ARID1B: variants seen among roughly 807,000 people sequenced by gnomAD.
The protein encoded by ARID1B is AT-rich interactive domain-containing protein 1B.
ARID1B carries 30 observed loss-of-function variants against 212.3 expected under a neutral mutation model. That is an observed-to-expected ratio of 0.14 (90% CI 0.11 to 0.19). ARID1B has a LOEUF of 0.19. Ranked by LOEUF, ARID1B falls within the 10% of genes least tolerant of loss-of-function variation. The pLI is 1.00. For synonymous variants in ARID1B, 1,402 were observed against 1,301.7 expected, an observed-to-expected ratio of 1.08 and a Z score of -1.66; for missense variants, 2,891 against 3,204.0, an observed-to-expected ratio of 0.90 and a Z score of 2.36.
intron 6 of ARID1B, among the ~76,000 whole-genome samples, chr6:157,121,089 G>T (rs183853346): frequency 6.6e-6 from 1 of 152,260 alleles, no homozygotes; most frequent in African/African-American, 2.4e-5. Flanking sequence ...AAGAATACAC[G>T]ATTGGAGGCT....
intron 4 of ARID1B, among the ~76,000 whole-genome samples, chr6:157,066,931 G>A (rs1783710865): frequency 6.6e-6 from 1 of 151,934 alleles, no homozygotes; most frequent in African/African-American, 2.4e-5. Context: ...TAGAGGAGTG[G>A]ACTTTAGAAC....
chr6:156,912,662 A>C (rs897540796), intron 3 of ARID1B, among the ~76,000 whole-genome samples: 5 of 152,188 alleles, frequency 3.3e-5, no homozygotes, highest in African/African-American at 1.2e-4. Flanking sequence ...CAACACAAGC[A>C]ATCAGGAGAA....
Position 156,966,241 on chromosome 6 carries a change from G to A in ARID1B, c.2247+30665G>A, listed in dbSNP as rs551494938. On this transcript the variant is annotated intron_variant, in intron 4 of 19. Transcript: ENST00000636930. ...GCAGATAATACTTCAATGGTATATC[G>A]CAGTCCTCATATATAAGATTTAAGA... 1.2e-3 allele frequency among the ~76,000 whole-genome samples: 181 copies of A among 151,998 alleles called. 5 individuals are homozygous for A. In the South Asian group the frequency reaches 0.035, roughly 29 times the overall value.
intron 4 of ARID1B, among the ~76,000 whole-genome samples, chr6:156,993,587 C>G (rs1329955070): frequency 3.3e-5 from 5 of 152,124 alleles, no homozygotes; most frequent in Non-Finnish European, 5.9e-5. Flanking sequence ...TTTAGATTCT[C>G]TGAAATACTG....
chr6:157,185,644 A>G (rs192161195), intron 13 of ARID1B: 2 of 152,334 alleles, frequency 1.3e-5, no homozygotes, highest in Non-Finnish European at 2.9e-5. Context: ...CCCACCAGAC[A>G]CCTCTGGCTG....
chr6:157,079,533 A>T (rs1243840285), intron 4 of ARID1B, among the ~76,000 whole-genome samples: 2 of 152,244 alleles, frequency 1.3e-5, no homozygotes, highest in Non-Finnish European at 2.9e-5. Context: ...GTAATTTTAC[A>T]GTGTGTTTCT....
intron 6 of ARID1B, among the ~76,000 whole-genome samples, chr6:157,129,663 C>T (rs1788395979): frequency 1.3e-5 from 2 of 152,164 alleles, no homozygotes; most frequent in South Asian, 4.1e-4. Context: ...TTAATTCTAC[C>T]TCCTTTTGGA....
At position 157,032,303 on chromosome 6, in the gene ARID1B, A is replaced by C. The variant is rs111494349; in HGVS notation, c.2248-52359A>C. On this transcript the variant is annotated intron_variant, in intron 4 of 19. Coordinates refer to ENST00000636930, the MANE Select transcript of ARID1B (RefSeq NM_001374828.1). ...AAAACCTGAATTTTTCATGATTATT[A>C]ATGCTCTATCATGTGAATATACCAT... is the stretch of plus-strand genomic sequence containing the variant. Among the ~76,000 whole-genome samples the C allele has an allele frequency of 5.5e-3, 845 of 152,302 alleles. 14 individuals carry two copies. Among genetic ancestry groups the C allele is most frequent in the African/African-American group, 0.02 (816 of 41,554 alleles).
chr6:157,049,601 GT>G (rs1242637095), intron 4 of ARID1B, among the ~76,000 whole-genome samples: 4 of 152,090 alleles, frequency 2.6e-5, no homozygotes, highest in Non-Finnish European at 5.9e-5. Context: ...CACAAATTAA[GT>G]TTTCCTTTCA....
chr6:157,047,055 G>A (rs1392237355), intron 4 of ARID1B, among the ~76,000 whole-genome samples: 4 of 152,018 alleles, frequency 2.6e-5, no homozygotes, highest in African/African-American at 9.7e-5. Flanking sequence ...CTCTATATTA[G>A]GTTACATTTT....
chr6:156,894,186 A>G (rs1211706630), intron 2 of ARID1B, among the ~76,000 whole-genome samples: 4 of 149,336 alleles, frequency 2.7e-5, no homozygotes, highest in Admixed American at 2.7e-4. Context: ...GACACAAAGG[A>G]ACAAATATTG....
intron 4 of ARID1B, among the ~76,000 whole-genome samples, chr6:156,959,635 A>G (rs576225771): frequency 7.9e-5 from 12 of 152,210 alleles, no homozygotes; most frequent in Non-Finnish European, 1.6e-4. Flanking sequence ...TTTTAATAAA[A>G]TTTTATGAGA....
Position 157,200,228 on chromosome 6 carries a change from C to T in ARID1B, c.4480-477C>T, listed in dbSNP as rs1794001192. On this transcript the variant is annotated intron_variant, in intron 17 of 19. Transcript: ENST00000636930. The surrounding 1 kb of genome is among the most constrained non-coding windows in gnomAD (Gnocchi z 4.3). ...TGGGATGGATGTTGGGTGACACGGG[C>T]CAGTCTGGGGAGCCGAGTCCTGTTC... Among the ~76,000 whole-genome samples the T allele has an allele frequency of 2.6e-5, 4 of 152,114 alleles. No homozygotes were observed.
At chr6:156,964,142 T>C (rs1221800828) in intron 4 of ARID1B, among the ~76,000 whole-genome samples, 1 of 152,242 alleles carries the variant, frequency 6.6e-6, no homozygotes, top group Non-Finnish European at 1.5e-5. Context: ...TGGACTCAGC[T>C]GCATGCCTTA....
chr6:157,016,248 A>C (rs529150859), intron 4 of ARID1B, among the ~76,000 whole-genome samples: 1 of 152,332 alleles, frequency 6.6e-6, no homozygotes, highest in African/African-American at 2.4e-5. Flanking sequence ...CAGTTTTTAA[A>C]AAAAGAGCCC....
intron 8 of ARID1B, chr6:157,150,598 G>A (rs1005196515): frequency 1.2e-5 from 2 of 168,584 alleles, no homozygotes; most frequent in Non-Finnish European, 2.6e-5. Context: ...GCGGCAGGAT[G>A]CAGGGTATTC....
intron 4 of ARID1B, among the ~76,000 whole-genome samples, chr6:157,008,662 G>A (rs1779384007): frequency 1.3e-5 from 2 of 152,120 alleles, no homozygotes; most frequent in South Asian, 4.2e-4. Context: ...GAGTTGGGTG[G>A]GAGGTGGTGG....
At chr6:156,988,698 GTGTTT>G (rs1778087766) in intron 4 of ARID1B, among the ~76,000 whole-genome samples, 2 of 152,196 alleles carry the variant, frequency 1.3e-5, no homozygotes, top group African/African-American at 4.8e-5. Context: ...TGGTTTGCCT[GTGTTT>G]CAGGAGAGTG....
At chr6:156,848,589 G>C (rs76550241) in intron 2 of ARID1B, among the ~76,000 whole-genome samples, 1,868 of 152,290 alleles carry the variant, frequency 0.012, 37 homozygotes, top group African/African-American at 0.042. Flanking sequence ...TCTTCCATGT[G>C]GACCACCATC....
Sources: allele counts gnomAD v4.1 joint callset (sites outside exome capture counted in the v4.1 genomes callset), GRCh38; gene constraint gnomAD v4.1.1; non-coding constraint Gnocchi (gnomAD v3.1); transcripts MANE v1.5; gene names NCBI Gene and HGNC (gene_info 2026-07-23, HGNC 2026-07-21).